PAX5: variants seen among roughly 807,000 people sequenced by gnomAD.
PAX5 encodes paired box protein Pax-5.
Under a neutral mutation model 43.7 loss-of-function variants are expected in PAX5, and 9 were observed. That is an observed-to-expected ratio of 0.21 (90% CI 0.12 to 0.36). PAX5 has a LOEUF of 0.36. PAX5 is among the 10% of genes least tolerant of loss of function. The probability of loss-of-function intolerance (pLI) is 1.00; values close to 1 mark genes in which losing one functional copy is unlikely to be tolerated. For synonymous variants in PAX5, 228 were observed against 214.3 expected, an observed-to-expected ratio of 1.06 and a Z score of -0.56; for missense variants, 383 against 532.7, an observed-to-expected ratio of 0.72 and a Z score of 2.77.
chr9:36,951,953 G>A (rs1294146895), intron 6 of PAX5, among the ~76,000 whole-genome samples: 1 of 152,076 alleles, frequency 6.6e-6, no homozygotes, highest in East Asian at 1.9e-4. Flanking sequence ...CCTATGAAAT[G>A]CAAAAATCTT....
intron 8 of PAX5, among the ~76,000 whole-genome samples, chr9:36,850,395 G>A (rs1269386801): frequency 6.6e-6 from 1 of 152,198 alleles, no homozygotes; most frequent in Admixed American, 6.5e-5. Context: ...GCATCCTTAG[G>A]CACAAAATGA....
At chr9:36,906,119 T>A (rs905272591) in intron 7 of PAX5, among the ~76,000 whole-genome samples, 3 of 152,180 alleles carry the variant, frequency 2.0e-5, no homozygotes, top group Non-Finnish European at 2.9e-5. Flanking sequence ...CTTTTATATT[T>A]GGCCCTGGAG....
intron 7 of PAX5, among the ~76,000 whole-genome samples, chr9:36,917,040 T>G (rs1175320879): frequency 6.6e-6 from 1 of 152,170 alleles, no homozygotes; most frequent in Non-Finnish European, 1.5e-5. Context: ...TATATTATAT[T>G]GATAATTAGA....
In PAX5 at chr9:36,838,614, C is replaced by T. The variant is rs1302275725; in HGVS notation, c.*1946G>A. The stretch of plus-strand genomic sequence containing the variant: ...AGGGAAGTTGGGCTAGGTCTTTTTC[C>T]AGGCTCTTCTGATTCCCGCCCCTCC... On this transcript the variant is annotated 3_prime_UTR_variant, in exon 10 of 10. Transcript: ENST00000358127. 4.3e-6 allele frequency: 1 copy of T among 233,100 alleles called. No individual in the cohort carries two copies. Among genetic ancestry groups the T allele is most frequent in the African/African-American group, 2.2e-5 (1 of 45,342 alleles). The allele number at this position is 233,100 out of a possible 1,614,324, so 14.4% of individuals were successfully genotyped here.
intron 1 of PAX5, among the ~76,000 whole-genome samples, chr9:37,030,805 A>G (rs915878545): frequency 6.6e-6 from 1 of 152,104 alleles, no homozygotes; most frequent in Non-Finnish European, 1.5e-5. Flanking sequence ...GGGGGCTGCT[A>G]CAGTGTTCTA....
At chr9:36,846,360 C>T (rs965194820) in intron 9 of PAX5, among the ~76,000 whole-genome samples, 1 of 152,144 alleles carries the variant, frequency 6.6e-6, no homozygotes, top group African/African-American at 2.4e-5. Context: ...CTAACAGAGC[C>T]GGCTCTGGTG....
At chr9:37,014,059 T>C (rs561547497) in intron 3 of PAX5, among the ~76,000 whole-genome samples, 1 of 152,362 alleles carries the variant, frequency 6.6e-6, no homozygotes, top group Admixed American at 6.5e-5. Flanking sequence ...GTTTTCAGGC[T>C]GCTCCCTTCT....
intron 1 of PAX5, among the ~76,000 whole-genome samples, chr9:37,031,252 C>T (rs1840951264): frequency 6.6e-6 from 1 of 152,230 alleles, no homozygotes; most frequent in Non-Finnish European, 1.5e-5. Context: ...TGGGACTACT[C>T]TCTCTCCCAA....
At chr9:37,026,795 A>G in intron 1 of PAX5, 1 of 879,616 alleles carries the variant, frequency 1.1e-6, no homozygotes, top group Non-Finnish European at 1.4e-6. Flanking sequence ...CCGGGCTAGG[A>G]GCGGGTGCCC....
chr9:36,921,269 A>C (rs1006832214), intron 7 of PAX5, among the ~76,000 whole-genome samples: 1 of 152,212 alleles, frequency 6.6e-6, no homozygotes, highest in African/African-American at 2.4e-5. Context: ...ATCTTCTCAT[A>C]AACTCTGATC....
At chr9:36,959,065 A>T (rs1003729475) in intron 6 of PAX5, among the ~76,000 whole-genome samples, 1 of 152,206 alleles carries the variant, frequency 6.6e-6, no homozygotes, top group Non-Finnish European at 1.5e-5. Flanking sequence ...GGCTCCTGTG[A>T]TGCAGACTGA....
chr9:36,871,977 C>T (rs535043111), intron 8 of PAX5, among the ~76,000 whole-genome samples: 2 of 152,288 alleles, frequency 1.3e-5, no homozygotes, highest in South Asian at 4.1e-4. Context: ...ATTCTCTCTC[C>T]CCATCTCCAT....
intron 5 of PAX5, among the ~76,000 whole-genome samples, chr9:36,989,749 C>T (rs7868665): frequency 0.64 from 97,980 of 152,012 alleles, 31,749 homozygotes; most frequent in South Asian, 0.82. Flanking sequence ...GAACGTTTGA[C>T]GTGCAAGGCT....
chr9:36,973,083 C>CGGAAAGGAAAGGAAAGGAAA (rs1171700120), intron 5 of PAX5, among the ~76,000 whole-genome samples: 11 of 74,544 alleles, frequency 1.5e-4, no homozygotes, highest in African/African-American at 4.1e-4. Flanking sequence ...CGGAACGGAA[C>CGGAAAGGAAAGGAAAGGAAA]GGAAAGGAAA....
intron 6 of PAX5, among the ~76,000 whole-genome samples, chr9:36,929,486 G>GC (rs1305101032): frequency 6.6e-6 from 1 of 152,148 alleles, no homozygotes. Flanking sequence ...TGGGTACATT[G>GC]CCCCCGCCAA....
At chr9:36,958,454 G>C (rs916780973) in intron 6 of PAX5, among the ~76,000 whole-genome samples, 3 of 151,862 alleles carry the variant, frequency 2.0e-5, no homozygotes, top group Admixed American at 2.0e-4. Context: ...CCTGGCTGGA[G>C]ACTTGGAGGG....
chr9:36,910,202 C>G (rs371982777), intron 7 of PAX5, among the ~76,000 whole-genome samples: 8 of 152,236 alleles, frequency 5.3e-5, no homozygotes, highest in African/African-American at 1.9e-4. Flanking sequence ...CACCCTCTGC[C>G]TAAACATGGT....
intron 7 of PAX5, among the ~76,000 whole-genome samples, chr9:36,912,343 T>C (rs555612605): frequency 2.6e-5 from 4 of 152,354 alleles, no homozygotes; most frequent in East Asian, 3.9e-4. Flanking sequence ...GAGAAAACTC[T>C]AGTGCTGGCC....
At chr9:36,988,451 A>G (rs1381315432) in intron 5 of PAX5, among the ~76,000 whole-genome samples, 1 of 152,174 alleles carries the variant, frequency 6.6e-6, no homozygotes, top group Non-Finnish European at 1.5e-5. Context: ...GCTTGAGCCC[A>G]AGAGTTCAAG....
Sources: gnomAD v4.1 joint callset for allele counts (sites outside exome capture counted in the v4.1 genomes callset) on GRCh38, gnomAD v4.1.1 for gene constraint, MANE v1.5 for transcripts, NCBI Gene and HGNC (gene_info 2026-07-23, HGNC 2026-07-21) for gene names.